Variants in SPIRE1 observed in about 807,000 individuals in gnomAD.
SPIRE1 encodes the protein protein spire homolog 1.
Under a neutral mutation model 94.1 loss-of-function variants are expected in SPIRE1, and 40 were observed. That is an observed-to-expected ratio of 0.43 (90% CI 0.33 to 0.55). SPIRE1 has a LOEUF of 0.55. Among genes scored for constraint, SPIRE1 ranks in the 20% least tolerant of loss-of-function variants. The probability of loss-of-function intolerance (pLI) is 0.06; values close to 1 mark genes in which losing one functional copy is unlikely to be tolerated. For missense variants in SPIRE1, 838 were observed against 975.2 expected, an observed-to-expected ratio of 0.86 and a Z score of 1.87; for synonymous variants, 376 against 371.7, an observed-to-expected ratio of 1.01 and a Z score of -0.13.
chr18:12,464,238 T>C (rs978826490), intron 11 of SPIRE1, among the ~76,000 whole-genome samples: 2 of 142,556 alleles, frequency 1.4e-5, no homozygotes, highest in African/African-American at 5.3e-5. Flanking sequence ...TGTGATTCAA[T>C]TGGGTCCCTA....
intron 10 of SPIRE1, among the ~76,000 whole-genome samples, chr18:12,477,971 C>A (rs988582267): frequency 7.2e-5 from 11 of 151,884 alleles, no homozygotes; most frequent in Admixed American, 5.9e-4. Flanking sequence ...TTACAAAGAG[C>A]GGTGAGTGCA....
At chr18:12,594,160 A>G (rs2036609250) in intron 2 of SPIRE1, among the ~76,000 whole-genome samples, 1 of 152,174 alleles carries the variant, frequency 6.6e-6, no homozygotes, top group Non-Finnish European at 1.5e-5. Flanking sequence ...TATGGGCAAA[A>G]GGAACAGTAC....
chr18:12,595,446 G>A (rs1268185657), intron 2 of SPIRE1, among the ~76,000 whole-genome samples: 3 of 152,190 alleles, frequency 2.0e-5, no homozygotes, highest in Non-Finnish European at 4.4e-5. Flanking sequence ...CTGCAAAGGA[G>A]GGTCAGTGAC....
intron 2 of SPIRE1, among the ~76,000 whole-genome samples, chr18:12,591,185 G>C (rs2036524011): frequency 2.6e-5 from 4 of 152,202 alleles, no homozygotes; most frequent in Admixed American, 2.6e-4. Flanking sequence ...TTACACAGGA[G>C]TAGAATGGAA....
At chr18:12,519,752 T>G (rs1598431684) in intron 4 of SPIRE1, among the ~76,000 whole-genome samples, 1 of 152,224 alleles carries the variant, frequency 6.6e-6, no homozygotes, top group South Asian at 2.1e-4. Context: ...AAATTAAAAT[T>G]GTTAAGATAC....
At chr18:12,609,035 T>C (rs559208182) in intron 2 of SPIRE1, among the ~76,000 whole-genome samples, 2 of 152,202 alleles carry the variant, frequency 1.3e-5, no homozygotes, top group African/African-American at 4.8e-5. Flanking sequence ...GGCATTATAT[T>C]CTCCTAAGGA....
intron 4 of SPIRE1, among the ~76,000 whole-genome samples, chr18:12,523,736 C>T (rs1449062720): frequency 6.6e-6 from 1 of 152,090 alleles, no homozygotes; most frequent in African/African-American, 2.4e-5. Flanking sequence ...GGATGGAGTG[C>T]AAAATGGTGT....
intron 2 of SPIRE1, among the ~76,000 whole-genome samples, chr18:12,560,210 C>T (rs553552053): frequency 2.6e-4 from 39 of 152,286 alleles, no homozygotes; most frequent in South Asian, 8.3e-4. Flanking sequence ...AGAGTCCATA[C>T]GATCCAGCAA....
chr18:12,512,437 G>A lies in SPIRE1; in HGVS notation c.807+17C>T, dbSNP rs766916621. On this transcript the variant is annotated intron_variant, in intron 5 of 16. Transcript: ENST00000409402. ...TCTTAGACAGTAAACAGATCAGAAA[G>A]CATTTCCAGCTCTTACCCAGTCAGC... The A allele has an allele frequency of 6.3e-7, 1 of 1,574,846 alleles. No homozygotes were observed. Among genetic ancestry groups the A allele is most frequent in the South Asian group, 1.1e-5 (1 of 89,368 alleles).
At chr18:12,563,583 TTCA>T (rs1227332045) in intron 2 of SPIRE1, among the ~76,000 whole-genome samples, 2 of 152,336 alleles carry the variant, frequency 1.3e-5, no homozygotes, top group South Asian at 2.1e-4. Flanking sequence ...ATGTAAAAAC[TTCA>T]TCTATATAGT....
chr18:12,492,616 C>T (rs1020013774), intron 8 of SPIRE1, among the ~76,000 whole-genome samples: 2 of 151,952 alleles, frequency 1.3e-5, no homozygotes, highest in African/African-American at 2.4e-5. Context: ...AAATATAATA[C>T]GTTATCTTTG....
chr18:12,631,664 A>G (rs1467761883), intron 2 of SPIRE1, among the ~76,000 whole-genome samples: 2 of 151,886 alleles, frequency 1.3e-5, no homozygotes, highest in Non-Finnish European at 2.9e-5. Flanking sequence ...TCACGAGGTC[A>G]GGAGTTCACA....
chr18:12,657,271 G>A (rs2038571662), intron 1 of SPIRE1, among the ~76,000 whole-genome samples: 1 of 147,950 alleles, frequency 6.8e-6, no homozygotes, highest in Non-Finnish European at 1.5e-5. Flanking sequence ...GCGGCCCGCA[G>A]GCCCAGGCCC....
intron 10 of SPIRE1, among the ~76,000 whole-genome samples, chr18:12,471,515 G>T (rs1266277727): frequency 6.6e-6 from 1 of 151,960 alleles, no homozygotes; most frequent in East Asian, 1.9e-4. Flanking sequence ...GTACAGATGG[G>T]GTTTCACTAT....
intron 2 of SPIRE1, among the ~76,000 whole-genome samples, chr18:12,615,345 A>AAAAAAAAATAT: frequency 1.7e-4 from 3 of 17,236 alleles, no homozygotes; most frequent in African/African-American, 2.4e-4. Flanking sequence ...AAAAAAAAAA[A>AAAAAAAAATAT]ATATATATAT....
chr18:12,533,970 A>C (rs1032850272), intron 4 of SPIRE1, among the ~76,000 whole-genome samples: 8 of 117,446 alleles, frequency 6.8e-5, no homozygotes, highest in Non-Finnish European at 1.0e-4. Flanking sequence ...CACACACACA[A>C]CTTATTTATT....
chr18:12,528,273 TCA>T (rs1016929187), intron 4 of SPIRE1, among the ~76,000 whole-genome samples: 65 of 152,254 alleles, frequency 4.3e-4, no homozygotes, highest in Non-Finnish European at 7.6e-4. Context: ...CTTAAGAAGT[TCA>T]CAGTCTAGTG....
intron 2 of SPIRE1, among the ~76,000 whole-genome samples, chr18:12,630,081 AG>A (rs1351588208): frequency 7.2e-5 from 11 of 152,220 alleles, no homozygotes; most frequent in African/African-American, 2.7e-4. Flanking sequence ...GTGCTAAAAA[AG>A]TTATAATTAA....
rs146146934 is a variant in SPIRE1 at position 12,576,845 on chromosome 18, C to T, written c.373-29941G>A. On this transcript the variant is annotated intron_variant, in intron 2 of 16. Coordinates refer to ENST00000409402, the MANE Select transcript of SPIRE1 (RefSeq NM_001128626.2). ...TGAAGGTTGCAGTGAGCCGAGATTG[C>T]GCCACTGCACTGAAGCCTGGGCGAC... Among the ~76,000 whole-genome samples the T allele has an allele frequency of 5.6e-5, 8 of 143,418 alleles. No individual in the cohort carries two copies. In the East Asian group the frequency reaches 8.8e-4, roughly 16 times the overall value. 94.1% of individuals were successfully genotyped at this position (143,418 alleles called of 152,430 possible). A position where few individuals can be genotyped will look rare whatever the true frequency, so the allele number is the denominator to read the frequency against.
Sources: allele counts gnomAD v4.1 joint callset (sites outside exome capture counted in the v4.1 genomes callset), GRCh38; gene constraint gnomAD v4.1.1; transcripts MANE v1.5; gene names NCBI Gene and HGNC (gene_info 2026-07-23, HGNC 2026-07-21).